The following ABCC9 variants were observed in gnomAD, a reference collection of about 807,000 sequenced individuals.
ABCC9 encodes the protein ATP binding cassette subfamily C member 9.
In ABCC9, 95 loss-of-function variants were observed where a neutral mutation model predicts 188.3. The observed-to-expected ratio is 0.50, with a 90% CI of 0.43 to 0.60. ABCC9 has a LOEUF of 0.60. Ranked by LOEUF, ABCC9 falls within the 20% of genes least tolerant of loss-of-function variation. The pLI is 0.00. For synonymous variants in ABCC9, 659 were observed against 652.7 expected, an observed-to-expected ratio of 1.01 and a Z score of -0.15; for missense variants, 1,102 against 1,876.3, an observed-to-expected ratio of 0.59 and a Z score of 7.62.
At chr12:21,843,117 T>G (rs1032793588) in intron 28 of ABCC9, among the ~76,000 whole-genome samples, 1 of 152,180 alleles carries the variant, frequency 6.6e-6, no homozygotes, top group Non-Finnish European at 1.5e-5. Context: ...TTATTGTTTC[T>G]GAGTTCTTTG....
rs765621154 is a variant in ABCC9 at position 21,893,988 on chromosome 12, T to C, written c.1802+44A>G. The stretch of plus-strand genomic sequence containing the variant: ...AATACTCCTATTAGCACACGTCATT[T>C]CTATTATCAATAAGCAAAAAATGCC... On this transcript the variant is annotated intron_variant, in intron 14 of 39. Coordinates refer to ENST00000261200, the MANE Select transcript of ABCC9 (RefSeq NM_020297.4). 1.9e-6 allele frequency: 3 copies of C among 1,603,756 alleles called. 1 individual carries two copies. Among genetic ancestry groups the C allele is most frequent in the South Asian group, 2.2e-5 (2 of 90,854 alleles).
At chr12:21,807,135 G>T (rs1360226197) in intron 38 of ABCC9, among the ~76,000 whole-genome samples, 1 of 152,074 alleles carries the variant, frequency 6.6e-6, no homozygotes, top group African/African-American at 2.4e-5. Flanking sequence ...ATTTTATGTT[G>T]ATTGGTGATA....
intron 15 of ABCC9, among the ~76,000 whole-genome samples, chr12:21,883,987 G>C (rs1473544335): frequency 6.6e-6 from 1 of 152,026 alleles, no homozygotes; most frequent in African/African-American, 2.4e-5. Flanking sequence ...AGAATATTTA[G>C]CTCATAAACC....
chr12:21,824,610 C>T (rs1159203616), intron 31 of ABCC9, among the ~76,000 whole-genome samples: 2 of 152,152 alleles, frequency 1.3e-5, no homozygotes, highest in Admixed American at 6.5e-5. Context: ...GGCTGTGAAT[C>T]CATCTGGTCC....
intron 30 of ABCC9, 85 bp downstream of exon 30, chr12:21,837,993 G>T: frequency 8.8e-7 from 1 of 1,138,974 alleles, no homozygotes; most frequent in South Asian, 1.3e-5. Flanking sequence ...CAAACAAAAT[G>T]AAAGCAATGA....
At position 21,815,875 on chromosome 12, in the gene ABCC9, T is replaced by G. The variant is rs1942581064; in HGVS notation, c.3911A>C (p.Glu1304Ala). The change falls in exon 34 of 40, where the codon GAA (glutamate) becomes GCA (alanine). Residue 1304 changes from glutamate (E) to alanine (A), a missense_variant. Transcript: ENST00000261200. ...GATCTCCCCTTCTTGTGGCCAATGT[T>G]CTGGAACTTGAGAAGGATCTGGAGG... ...EGTMDPSQVP[E>A]HWPQEGEIKI... 1 of 1,613,128 alleles carries G rather than the reference T, an allele frequency of 6.2e-7. No individual in the cohort carries two copies. The highest frequency in any genetic ancestry group is 8.5e-7 in the Non-Finnish European group (1 of 1,179,582).
At chr12:21,842,013 T>C (rs531158440) in intron 29 of ABCC9, among the ~76,000 whole-genome samples, 1 of 152,268 alleles carries the variant, frequency 6.6e-6, no homozygotes, top group African/African-American at 2.4e-5. Context: ...CTGCAGATGC[T>C]CAAGTCCGTT....
intron 21 of ABCC9, among the ~76,000 whole-genome samples, chr12:21,859,991 C>G (rs1945424249): frequency 6.6e-6 from 1 of 151,956 alleles, no homozygotes; most frequent in Non-Finnish European, 1.5e-5. Context: ...TGAGTTGTGT[C>G]TGTAGTTTAC....
At position 21,934,072 on chromosome 12, in the gene ABCC9, T is replaced by C. The variant is rs544081513; in HGVS notation, c.143-149A>G. The C allele has an allele frequency of 1.4e-5, 10 of 724,376 alleles. No homozygotes were observed. The Admixed American group carries it at 1.9e-4, about 14-fold the overall frequency. 44.9% of individuals were successfully genotyped at this position (724,376 alleles called of 1,614,324 possible). A position where few individuals can be genotyped will look rare whatever the true frequency, so the allele number is the denominator to read the frequency against. On this transcript the variant is annotated intron_variant, in intron 3 of 39. Coordinates refer to ENST00000261200, the MANE Select transcript of ABCC9 (RefSeq NM_020297.4). Reference sequence around the variant, plus strand: ...TCTAGAGTAGCAATGGAAATCCTAGTCTATTTTCATTATTCAAAAGAATTA... The same window carrying C: ...TCTAGAGTAGCAATGGAAATCCTAGCCTATTTTCATTATTCAAAAGAATTA...
intron 5 of ABCC9, among the ~76,000 whole-genome samples, chr12:21,918,888 T>C (rs1948701620): frequency 6.6e-6 from 1 of 152,148 alleles, no homozygotes; most frequent in East Asian, 1.9e-4. Flanking sequence ...TTTGATCTTT[T>C]CATGCAGTAA....
At chr12:21,891,018 C>G (rs1477594396) in intron 14 of ABCC9, among the ~76,000 whole-genome samples, 1 of 151,970 alleles carries the variant, frequency 6.6e-6, no homozygotes, top group South Asian at 2.1e-4. Flanking sequence ...GATAGTTTCC[C>G]TTCTCTCTCA....
intron 29 of ABCC9, 143 bp downstream of exon 29, chr12:21,842,171 G>A (rs1393402105): frequency 8.2e-6 from 8 of 980,228 alleles, no homozygotes; most frequent in South Asian, 1.5e-5. Context: ...CTCGGCACAT[G>A]ACAAATTCAA....
chr12:21,907,435 T>C (rs1371999846), intron 11 of ABCC9, among the ~76,000 whole-genome samples: 2 of 152,100 alleles, frequency 1.3e-5, no homozygotes, highest in Admixed American at 6.6e-5. Flanking sequence ...CTTGCTCATA[T>C]TTAATCAAAC....
intron 20 of ABCC9, among the ~76,000 whole-genome samples, chr12:21,862,087 ATTG>A (rs937520210): frequency 3.3e-5 from 5 of 151,958 alleles, no homozygotes; most frequent in Non-Finnish European, 7.4e-5. Context: ...ATATCTGTCC[ATTG>A]TTGTTCTTCA....
intron 24 of ABCC9, 111 bp downstream of exon 24, chr12:21,851,986 T>C: frequency 7.9e-7 from 1 of 1,266,624 alleles, no homozygotes; most frequent in Non-Finnish European, 1.1e-6. Context: ...ATAAAGACCA[T>C]TATATTACAA....
At chr12:21,913,126 T>C (rs1165471933) in intron 7 of ABCC9, 60 bp from the exon 8 acceptor site, 5 of 1,429,234 alleles carry the variant, frequency 3.5e-6, no homozygotes, top group Non-Finnish European at 3.8e-6. Context: ...CTTAGAGCAG[T>C]AACTAATCTC....
intron 4 of ABCC9, among the ~76,000 whole-genome samples, chr12:21,929,374 C>A (rs1336620162): frequency 2.0e-5 from 3 of 151,350 alleles, no homozygotes; most frequent in Non-Finnish European, 4.4e-5. Flanking sequence ...GGAGAGTAAA[C>A]CGGAATCACA....
rs188447512 is a variant in ABCC9, at chr12:21,926,453, T to C, written c.285-390A>G. Among the ~76,000 whole-genome samples the C allele has an allele frequency of 2.0e-4, 30 of 152,362 alleles. No homozygotes were observed. The East Asian group carries it at 4.8e-3, about 24-fold the overall frequency. On this transcript the variant is annotated intron_variant, in intron 4 of 39. Coordinates refer to ENST00000261200, the MANE Select transcript of ABCC9 (RefSeq NM_020297.4). ...TCCTTTGACAGCACTCCCAACTTGA[T>C]AGTCTTCAGTGATTTCTCCATTCTC...
chr12:21,875,894 C>A (rs1321035058), intron 16 of ABCC9, among the ~76,000 whole-genome samples, 168 bp from the exon 17 acceptor site: 3 of 152,052 alleles, frequency 2.0e-5, no homozygotes, highest in East Asian at 3.9e-4. Flanking sequence ...ATCATCCTGG[C>A]TAACACGGTG....
Sources: allele counts gnomAD v4.1 joint callset (sites outside exome capture counted in the v4.1 genomes callset), GRCh38; gene constraint gnomAD v4.1.1; transcripts MANE v1.5; gene names NCBI Gene and HGNC (gene_info 2026-07-23, HGNC 2026-07-21).